TLL2: variants seen among roughly 807,000 people sequenced by gnomAD.
TLL2 encodes the protein tolloid-like protein 2.
TLL2 carries 106 observed loss-of-function variants against 123.0 expected under a neutral mutation model. The observed-to-expected ratio is 0.86, with a 90% CI of 0.74 to 1.01. The LOEUF (loss-of-function observed/expected upper bound fraction) is 1.01, where lower values mean the gene tolerates loss of function less well. Ranked by LOEUF, TLL2 falls within the 50% of genes least tolerant of loss-of-function variation. The probability of loss-of-function intolerance (pLI) is 0.00; values close to 1 mark genes in which losing one functional copy is unlikely to be tolerated. For missense variants in TLL2, 1,332 were observed against 1,336.7 expected, an observed-to-expected ratio of 1.00 and a Z score of 0.06; for synonymous variants, 494 against 516.8, an observed-to-expected ratio of 0.96 and a Z score of 0.60.
intron 2 of TLL2, among the ~76,000 whole-genome samples, chr10:96,460,922 A>G (rs1296431489): frequency 3.9e-5 from 6 of 152,100 alleles, no homozygotes; most frequent in African/African-American, 1.4e-4. Context: ...CAGAAACTGA[A>G]CCTGCCAGCA....
intron 2 of TLL2, among the ~76,000 whole-genome samples, chr10:96,461,566 C>T (rs956945582): frequency 1.3e-5 from 2 of 152,234 alleles, no homozygotes; most frequent in Admixed American, 6.5e-5. Context: ...CTCTACACTT[C>T]CTGTGCTGCT....
chr10:96,496,819 C>T (rs527911404), intron 1 of TLL2, among the ~76,000 whole-genome samples: 7 of 152,296 alleles, frequency 4.6e-5, no homozygotes, highest in Admixed American at 1.3e-4. Flanking sequence ...ATCTCACATG[C>T]CACCCCACTC....
At chr10:96,368,650 A>T (rs1233678570) in intron 20 of TLL2, among the ~76,000 whole-genome samples, 3 of 152,212 alleles carry the variant, frequency 2.0e-5, no homozygotes, top group Admixed American at 6.5e-5. Context: ...ACCATGAATC[A>T]CCGAGCTCCA....
rs559405084 is a variant in TLL2 at position 96,469,074 on chromosome 10, T to G, written c.286+11275A>C. 5.0e-4 allele frequency among the ~76,000 whole-genome samples: 76 copies of G among 152,356 alleles called. 1 individual carries two copies. In the South Asian group the frequency reaches 0.012, roughly 23 times the overall value. ...GAATAACTGCCAGGCTGCGCCTGGTTCCTGTGCTGACATCCCCCTCCTTTC... is the reference window on the plus strand; with the variant it reads ...GAATAACTGCCAGGCTGCGCCTGGTGCCTGTGCTGACATCCCCCTCCTTTC... On this transcript the variant is annotated intron_variant, in intron 2 of 20. Transcript: ENST00000357947.
At chr10:96,369,938 C>T in intron 20 of TLL2, 127 bp downstream of exon 20, 2 of 1,327,692 alleles carry the variant, frequency 1.5e-6, no homozygotes, top group Non-Finnish European at 2.0e-6. Context: ...TTCTGCAGAA[C>T]GTGCCTCCTC....
chr10:96,479,840 C>A (rs1002079942), intron 2 of TLL2, among the ~76,000 whole-genome samples: 6 of 152,216 alleles, frequency 3.9e-5, no homozygotes, highest in Admixed American at 6.5e-5. Context: ...TCCCCCCATA[C>A]TTTCTGCCTT....
chr10:96,415,739 G>GTCTCTCTCTCTCTGTCTCTCTCTCTGTC (rs1846551212), intron 7 of TLL2, among the ~76,000 whole-genome samples: 2 of 28,064 alleles, frequency 7.1e-5, no homozygotes, highest in East Asian at 1.1e-3. Context: ...GTCTCTCTCT[G>GTCTCTCTCTCTCTGTCTCTCTCTCTGTC]TCTCTCTCTC....
rs933478904 is a variant in TLL2, at chr10:96,403,803, C to T, written c.1267+1429G>A. ...GAACTGAATGTCTCGGTATAAAACC[C>T]GATTGTACATTTGTTCAATTCTGAG... is the stretch of plus-strand genomic sequence containing the variant. On this transcript the variant is annotated intron_variant, in intron 10 of 20. Transcript: ENST00000357947. Among the ~76,000 whole-genome samples the T allele has an allele frequency of 2.4e-4, 36 of 152,240 alleles. 1 individual carries two copies. The highest frequency in any genetic ancestry group is 7.7e-4 in the African/African-American group (32 of 41,510).
rs774255288 is a variant in TLL2 at position 96,395,194 on chromosome 10, A to G, written c.1719T>C (p.Phe573=). 6.2e-7 allele frequency: 1 copy of G among 1,602,774 alleles called. No homozygotes were observed. Among genetic ancestry groups the G allele is most frequent in the Non-Finnish European group, 8.5e-7 (1 of 1,175,224 alleles). The change falls in exon 13 of 21, where the codon TTT becomes TTC. Residue 573 remains phenylalanine (F), a synonymous_variant. Transcript: ENST00000357947. ...SINKAGFAAN[F]FKEVDECSWP... ...CAAACTGCTAATTCATACCCTTGAA[A>G]AAATTGGCTGCAAAGCCCGCTTTAT...
At chr10:96,504,499 A>G (rs1847560614) in intron 1 of TLL2, among the ~76,000 whole-genome samples, 1 of 152,216 alleles carries the variant, frequency 6.6e-6, no homozygotes, top group Non-Finnish European at 1.5e-5. Context: ...AATCCCAGCT[A>G]CTCAGGAGGC....
At chr10:96,462,367 C>T (rs1847088851) in intron 2 of TLL2, among the ~76,000 whole-genome samples, 1 of 152,234 alleles carries the variant, frequency 6.6e-6, no homozygotes, top group East Asian at 1.9e-4. Flanking sequence ...AAATAAGACA[C>T]TGTCAATTCT....
At chr10:96,447,153 C>T (rs539626456) in intron 2 of TLL2, among the ~76,000 whole-genome samples, 25 of 152,204 alleles carry the variant, frequency 1.6e-4, no homozygotes, top group Admixed American at 5.2e-4. Flanking sequence ...GAGGATCCTC[C>T]GCAGGGGAAG....
intron 2 of TLL2, among the ~76,000 whole-genome samples, chr10:96,454,696 A>G (rs1846994531): frequency 6.6e-6 from 1 of 152,140 alleles, no homozygotes; most frequent in East Asian, 1.9e-4. Context: ...ATCCCTCCTC[A>G]TAGGGTTGTT....
intron 7 of TLL2, among the ~76,000 whole-genome samples, chr10:96,417,750 G>A (rs964813732): frequency 6.6e-6 from 1 of 152,182 alleles, no homozygotes; most frequent in African/African-American, 2.4e-5. Flanking sequence ...GAACAGAGGG[G>A]CATGAACAGG....
intron 3 of TLL2, among the ~76,000 whole-genome samples, chr10:96,438,720 C>G (rs905216635): frequency 1.3e-5 from 2 of 152,212 alleles, no homozygotes; most frequent in Non-Finnish European, 2.9e-5. Flanking sequence ...AGCAGACATC[C>G]TTGCCTTGTT....
chr10:96,486,089 A>G (rs1357393047), intron 1 of TLL2, among the ~76,000 whole-genome samples: 1 of 152,210 alleles, frequency 6.6e-6, no homozygotes, highest in Non-Finnish European at 1.5e-5. Flanking sequence ...AATCATTTTG[A>G]AAAGCTACAT....
intron 16 of TLL2, among the ~76,000 whole-genome samples, 198 bp downstream of exon 16, chr10:96,384,389 G>T (rs1321401623): frequency 2.0e-5 from 3 of 152,148 alleles, no homozygotes; most frequent in African/African-American, 7.2e-5. Context: ...ATTTGTTATG[G>T]CAGCCCTAGG....
At chr10:96,487,533 G>A (rs1847369202) in intron 1 of TLL2, among the ~76,000 whole-genome samples, 1 of 152,166 alleles carries the variant, frequency 6.6e-6, no homozygotes, top group South Asian at 2.1e-4. Context: ...CACACGCCAG[G>A]CATTGGCAGG....
At chr10:96,432,516 A>C (rs1486233798) in intron 4 of TLL2, among the ~76,000 whole-genome samples, 1 of 152,170 alleles carries the variant, frequency 6.6e-6, no homozygotes, top group Non-Finnish European at 1.5e-5. Flanking sequence ...CTTGTCCTCA[A>C]ACAGTCATCA....
Sources: allele counts gnomAD v4.1 joint callset (sites outside exome capture counted in the v4.1 genomes callset), GRCh38; gene constraint gnomAD v4.1.1; transcripts MANE v1.5; gene names NCBI Gene and HGNC (gene_info 2026-07-23, HGNC 2026-07-21).